Variants in TASP1 observed in about 807,000 individuals in gnomAD.
TASP1 encodes the protein taspase 1.
TASP1 carries 16 observed loss-of-function variants against 56.6 expected under a neutral mutation model. The observed-to-expected ratio is 0.28, with a 90% CI of 0.19 to 0.43. The LOEUF is 0.43. Among genes scored for constraint, TASP1 ranks in the 20% least tolerant of loss-of-function variants. TASP1 has a pLI of 1.00. For synonymous variants in TASP1, 179 were observed against 184.2 expected (o/e 0.97, Z 0.23); for missense variants, 393 against 511.6 (o/e 0.77, Z 2.24).
the TASP1 span, among the ~76,000 whole-genome samples, chr20:13,287,625 C>T: frequency 1.1e-3 from 171 of 152,270 alleles, no homozygotes; most frequent in African/African-American, 3.9e-3. Flanking sequence ...TCTCTTTTCT[C>T]ACTAAAATAT....
chr20:13,311,250 TA>T, the TASP1 span, among the ~76,000 whole-genome samples: 1,908 of 127,608 alleles, frequency 0.015, 39 homozygotes, highest in African/African-American at 0.053. Context: ...AGATGATAGA[TA>T]GATAGATAGA....
At chr20:13,456,862 G>C (rs1600853252) in intron 11 of TASP1, among the ~76,000 whole-genome samples, 1 of 152,168 alleles carries the variant, frequency 6.6e-6, no homozygotes, top group African/African-American at 2.4e-5. Flanking sequence ...GTACCTACTA[G>C]GAAAAAAATG....
chr20:13,292,416 T>G, the TASP1 span: 1 of 1,607,400 alleles, frequency 6.2e-7, no homozygotes, highest in South Asian at 1.1e-5. Context: ...GAAGTGAGTC[T>G]GCTTGCGGGA....
rs1366865448 is a variant in TASP1, at chr20:13,414,379, C to T, written c.1170+3069G>A. ...TCATTGGTGGTATTAATTCTGATCA[C>T]ATGGTCAAGGTGTTGCCTGGTTTCT... On this transcript the variant is annotated intron_variant, in intron 13 of 13. Coordinates refer to ENST00000337743, the MANE Select transcript of TASP1 (RefSeq NM_017714.3). Among the ~76,000 whole-genome samples, 5 of 152,160 alleles carry T rather than the reference C, an allele frequency of 3.3e-5. No individual in the cohort carries two copies. In the East Asian group the frequency reaches 5.8e-4, roughly 18 times the overall value.
At chr20:13,585,432 T>A (rs1348518243) in intron 5 of TASP1, among the ~76,000 whole-genome samples, 1 of 152,128 alleles carries the variant, frequency 6.6e-6, no homozygotes, top group Non-Finnish European at 1.5e-5. Flanking sequence ...GGAGAAGATA[T>A]CCATAATACA....
At chr20:13,221,462 C>G in the TASP1 span, among the ~76,000 whole-genome samples, 1 of 145,916 alleles carries the variant, frequency 6.9e-6, no homozygotes, top group Admixed American at 6.8e-5. Flanking sequence ...GACCCAGTCT[C>G]CGTCTCCGCC....
chr20:13,527,131 AGAG>A (rs1224920746), intron 10 of TASP1, among the ~76,000 whole-genome samples: 4 of 152,148 alleles, frequency 2.6e-5, no homozygotes, highest in African/African-American at 7.2e-5. Context: ...ATGGGAGGAC[AGAG>A]GAGTAAGAAT....
chr20:13,625,434 G>A (rs929360978), intron 2 of TASP1, among the ~76,000 whole-genome samples, 182 bp from the exon 3 acceptor site: 2 of 152,074 alleles, frequency 1.3e-5, no homozygotes, highest in Admixed American at 6.5e-5. Context: ...CCTTATCTCC[G>A]TTTTCAAAAG....
In TASP1 at chr20:13,550,898, A is replaced by G. The variant is rs547652589; in HGVS notation, c.675+8110T>C. Among the ~76,000 whole-genome samples, 22 of 152,232 alleles carry G rather than the reference A, an allele frequency of 1.4e-4. No individual in the cohort carries two copies. The East Asian group carries it at 3.9e-3, about 27-fold the overall frequency. On this transcript the variant is annotated intron_variant, in intron 8 of 13. Transcript: ENST00000337743. ...AAAACATGTTGTTTTTTGTGCATTT[A>G]TTTTCTTTGATCTTAGCCTACCTCT...
chr20:13,267,729 A>C, the TASP1 span, among the ~76,000 whole-genome samples: 1 of 152,188 alleles, frequency 6.6e-6, no homozygotes, highest in Non-Finnish European at 1.5e-5. Flanking sequence ...AGTAGCAAAA[A>C]CACATTTTCT....
At chr20:13,595,091 A>C (rs1403816277) in intron 4 of TASP1, among the ~76,000 whole-genome samples, 1 of 152,192 alleles carries the variant, frequency 6.6e-6, no homozygotes, top group Non-Finnish European at 1.5e-5. Flanking sequence ...TAAAGAAAAG[A>C]ATTTTCAACT....
chr20:13,148,155 A>G, the TASP1 span, among the ~76,000 whole-genome samples: 1 of 152,178 alleles, frequency 6.6e-6, no homozygotes, highest in East Asian at 1.9e-4. Flanking sequence ...TGTCCTAAAC[A>G]TATTTTTGGA....
the TASP1 span, among the ~76,000 whole-genome samples, chr20:13,217,588 G>A: frequency 7.9e-4 from 121 of 152,224 alleles, no homozygotes; most frequent in African/African-American, 2.3e-3. Context: ...CAAAATCTAC[G>A]TGAGAATAGT....
chr20:13,395,922 C>T (rs1409256293), intron 13 of TASP1, among the ~76,000 whole-genome samples: 4 of 151,408 alleles, frequency 2.6e-5, no homozygotes, highest in South Asian at 2.1e-4. Flanking sequence ...AGGATGGTCT[C>T]GATCTCCTGA....
the TASP1 span, among the ~76,000 whole-genome samples, chr20:13,383,865 G>A: frequency 2.0e-5 from 3 of 152,202 alleles, no homozygotes; most frequent in East Asian, 5.8e-4. Context: ...ATTAAGGCTT[G>A]GGGTGATTTG....
intron 10 of TASP1, among the ~76,000 whole-genome samples, chr20:13,494,984 A>G (rs1294407405): frequency 6.6e-6 from 1 of 152,014 alleles, no homozygotes; most frequent in Non-Finnish European, 1.5e-5. Flanking sequence ...ATGCAGTTAT[A>G]AACATCTACA....
At chr20:13,132,646 G>T in the TASP1 span, among the ~76,000 whole-genome samples, 2 of 152,048 alleles carry the variant, frequency 1.3e-5, no homozygotes, top group African/African-American at 4.8e-5. Context: ...AATATTTATT[G>T]AAAGAATTCT....
chr20:13,370,251 A>C, the TASP1 span, among the ~76,000 whole-genome samples: 1 of 152,196 alleles, frequency 6.6e-6, no homozygotes, highest in Non-Finnish European at 1.5e-5. Flanking sequence ...GAAAAAACAC[A>C]TGGAAATTAT....
At chr20:13,322,026 G>C in the TASP1 span, among the ~76,000 whole-genome samples, 4 of 152,314 alleles carry the variant, frequency 2.6e-5, no homozygotes, top group East Asian at 7.7e-4. Flanking sequence ...TTATATTATG[G>C]AAATTGTGCA....
Sources: allele counts gnomAD v4.1 joint callset (sites outside exome capture counted in the v4.1 genomes callset), GRCh38; gene constraint gnomAD v4.1.1; transcripts MANE v1.5; gene names NCBI Gene and HGNC (gene_info 2026-07-23, HGNC 2026-07-21).